The following KCNC2 variants were observed in gnomAD, a reference collection of about 807,000 sequenced individuals.
The protein encoded by KCNC2 is voltage-gated potassium channel KCNC2.
Under a neutral mutation model 44.5 loss-of-function variants are expected in KCNC2, and 21 were observed. The observed-to-expected ratio is 0.47, with a 90% confidence interval of 0.33 to 0.68. KCNC2 has a LOEUF of 0.68. Among genes scored for constraint, KCNC2 ranks in the 30% least tolerant of loss-of-function variants. The probability of loss-of-function intolerance (pLI) is 0.01; values close to 1 mark genes in which losing one functional copy is unlikely to be tolerated. For synonymous variants in KCNC2, 391 were observed against 339.1 expected (o/e 1.15, Z -1.68); for missense variants, 589 against 826.2 (o/e 0.71, Z 3.52).
intron 2 of KCNC2, among the ~76,000 whole-genome samples, chr12:75,122,110 C>T (rs1335376034): frequency 3.3e-5 from 5 of 152,102 alleles, no homozygotes; most frequent in Admixed American, 6.6e-5. Context: ...AGGTCAACAT[C>T]CACTACCACC....
chr12:75,059,959 G>A (rs1231446245), intron 2 of KCNC2, among the ~76,000 whole-genome samples: 10 of 151,968 alleles, frequency 6.6e-5, no homozygotes, highest in African/African-American at 1.4e-4. Flanking sequence ...TAACCCAAAT[G>A]TCATCTCCAG....
chr12:75,179,174 T>A (rs905392822), intron 2 of KCNC2, among the ~76,000 whole-genome samples: 2 of 151,994 alleles, frequency 1.3e-5, no homozygotes, highest in African/African-American at 2.4e-5. Flanking sequence ...ACAGTTCAAA[T>A]CCAAGTTTGA....
At chr12:75,118,230 A>G (rs113120329) in intron 2 of KCNC2, among the ~76,000 whole-genome samples, 53 of 152,300 alleles carry the variant, frequency 3.5e-4, no homozygotes, top group African/African-American at 1.3e-3. Flanking sequence ...GCATATACTG[A>G]GCACCATTAC....
intron 2 of KCNC2, among the ~76,000 whole-genome samples, chr12:75,166,371 C>T (rs2137552086): frequency 6.7e-6 from 1 of 148,638 alleles, no homozygotes; most frequent in African/African-American, 2.5e-5. Context: ...TTAGTGACTT[C>T]AATATCATAC....
chr12:75,169,497 T>C (rs1891670559), intron 2 of KCNC2, among the ~76,000 whole-genome samples: 1 of 151,622 alleles, frequency 6.6e-6, no homozygotes, highest in African/African-American at 2.4e-5. Context: ...AAGATGGTTG[T>C]ATAATAAGAT....
chr12:75,195,129 T>C (rs1022897784), intron 2 of KCNC2, among the ~76,000 whole-genome samples: 9 of 152,180 alleles, frequency 5.9e-5, no homozygotes, highest in African/African-American at 2.2e-4. Context: ...TTCTGTTTCA[T>C]AGAAACTGTG....
At position 75,041,150 on chromosome 12, in the gene KCNC2, T is replaced by C; in HGVS notation, c.*1955A>G. On this transcript the variant is annotated 3_prime_UTR_variant, in exon 5 of 5. Transcript: ENST00000549446. ...TTTCCAGTATAGTCCTTGGTATGGC[T>C]AAATTCCACTGTCCCTTTCTCAGCA... The C allele has an allele frequency of 6.3e-7, 1 of 1,596,774 alleles. No individual in the cohort carries two copies. Among genetic ancestry groups the C allele is most frequent in the Non-Finnish European group, 8.5e-7 (1 of 1,178,752 alleles).
chr12:75,187,975 G>A (rs1475716410), intron 2 of KCNC2, among the ~76,000 whole-genome samples: 1 of 152,080 alleles, frequency 6.6e-6, no homozygotes, highest in East Asian at 1.9e-4. Flanking sequence ...ACTAGGAACA[G>A]ACTATCAACA....
chr12:75,202,551 T>A (rs946298389), intron 2 of KCNC2, among the ~76,000 whole-genome samples: 1 of 151,828 alleles, frequency 6.6e-6, no homozygotes, highest in Non-Finnish European at 1.5e-5. Context: ...TGGCCATGAC[T>A]TTTAATTAAA....
intron 2 of KCNC2, among the ~76,000 whole-genome samples, chr12:75,120,369 C>T (rs1483629640): frequency 6.6e-6 from 1 of 152,198 alleles, no homozygotes; most frequent in Non-Finnish European, 1.5e-5. Context: ...GAGTCATAGA[C>T]TCCCCGCTGC....
intron 2 of KCNC2, among the ~76,000 whole-genome samples, chr12:75,205,864 C>A (rs2031645546): frequency 7.2e-6 from 1 of 139,680 alleles, no homozygotes; most frequent in Non-Finnish European, 1.5e-5. Flanking sequence ...TTCCTGAATG[C>A]CAACTCTGTT....
At chr12:75,204,251 C>T (rs1370991547) in intron 2 of KCNC2, among the ~76,000 whole-genome samples, 2 of 151,786 alleles carry the variant, frequency 1.3e-5, no homozygotes, top group African/African-American at 4.8e-5. Context: ...ATATAGACCC[C>T]TCATATACGT....
At chr12:75,121,416 T>C (rs1373556802) in intron 2 of KCNC2, among the ~76,000 whole-genome samples, 1 of 152,124 alleles carries the variant, frequency 6.6e-6, no homozygotes, top group Non-Finnish European at 1.5e-5. Flanking sequence ...ATCTCTGCCC[T>C]CAAGAAGGAA....
At chr12:75,160,125 G>A (rs1592996527) in intron 2 of KCNC2, among the ~76,000 whole-genome samples, 1 of 151,814 alleles carries the variant, frequency 6.6e-6, no homozygotes, top group East Asian at 1.9e-4. Flanking sequence ...CTTTAAGGAG[G>A]TAATTAAGTT....
At chr12:75,197,493 T>C (rs1440089030) in intron 2 of KCNC2, among the ~76,000 whole-genome samples, 1 of 152,052 alleles carries the variant, frequency 6.6e-6, no homozygotes, top group Non-Finnish European at 1.5e-5. Flanking sequence ...CTACACTATA[T>C]CAATGTCTCT....
At chr12:75,065,681 C>T (rs1180238094) in intron 2 of KCNC2, among the ~76,000 whole-genome samples, 1 of 151,946 alleles carries the variant, frequency 6.6e-6, no homozygotes, top group African/African-American at 2.4e-5. Context: ...ACCATATAGC[C>T]TAGAAGTGTA....
chr12:75,176,619 A>AC (rs1036014143), intron 2 of KCNC2, among the ~76,000 whole-genome samples: 6 of 151,860 alleles, frequency 4.0e-5, no homozygotes, highest in Admixed American at 3.9e-4. Flanking sequence ...AAAATTCTCT[A>AC]CCCCTAGTCT....
At chr12:75,145,430 C>T (rs1289815128) in intron 2 of KCNC2, among the ~76,000 whole-genome samples, 4 of 151,582 alleles carry the variant, frequency 2.6e-5, no homozygotes, top group Non-Finnish European at 4.4e-5. Flanking sequence ...TCTAAGCCAG[C>T]TACATTAAGC....
chr12:75,192,254 A>G (rs1281057465), intron 2 of KCNC2, among the ~76,000 whole-genome samples: 2 of 152,222 alleles, frequency 1.3e-5, no homozygotes, highest in Non-Finnish European at 2.9e-5. Context: ...ATTCTTCAGC[A>G]TCTTTTCCTA....
Sources: gnomAD v4.1 joint callset for allele counts (sites outside exome capture counted in the v4.1 genomes callset) on GRCh38, gnomAD v4.1.1 for gene constraint, MANE v1.5 for transcripts, NCBI Gene and HGNC (gene_info 2026-07-23, HGNC 2026-07-21) for gene names.